Variants in APBA1 observed in about 807,000 individuals in gnomAD.
The protein encoded by APBA1 is amyloid-beta A4 precursor protein-binding family A member 1.
Under a neutral mutation model 86.6 loss-of-function variants are expected in APBA1, and 55 were observed. The ratio of observed to expected loss-of-function variants is 0.64; its 90% confidence interval spans 0.51 to 0.80. The LOEUF (loss-of-function observed/expected upper bound fraction) is 0.80, where lower values mean the gene tolerates loss of function less well. APBA1 is among the 30% of genes least tolerant of loss of function. The probability of loss-of-function intolerance (pLI) is 0.00; values close to 1 mark genes in which losing one functional copy is unlikely to be tolerated. For synonymous variants in APBA1, 511 were observed against 493.9 expected (o/e 1.03, Z -0.46); for missense variants, 1,090 against 1,183.0 (o/e 0.92, Z 1.15).
rs549565763 is a variant in APBA1 at position 69,665,680 on chromosome 9, G to A, written c.-70+6473C>T. On this transcript the variant is annotated intron_variant, in intron 1 of 12. Transcript: ENST00000265381. The stretch of plus-strand genomic sequence containing the variant: ...ATGAAACAAGGAAGAAGAAAAGAGA[G>A]CAATATTTAAAGAAGATTCAGGACA... Among the ~76,000 whole-genome samples the A allele has an allele frequency of 1.6e-4, 24 of 152,210 alleles. 1 individual carries two copies. The highest frequency in any genetic ancestry group is 5.8e-4 in the African/African-American group (24 of 41,458).
rs768923261 is a variant in APBA1, at chr9:69,516,255, G to A, written c.956C>T (p.Pro319Leu). The A allele has an allele frequency of 3.6e-6, 5 of 1,378,028 alleles. No homozygotes were observed. Among genetic ancestry groups the A allele is most frequent in the South Asian group, 1.7e-5 (1 of 59,954 alleles). The allele number at this position is 1,378,028 out of a possible 1,614,324, so 85.4% of individuals were successfully genotyped here. A position where few individuals can be genotyped will look rare whatever the true frequency, so the allele number is the denominator to read the frequency against. ...GCCCACCGCCCGCTGCTGCCCCGCC[G>A]GCGCCTGCAGCCCGGGGCTGTCGGG... ...GRPDSPGLQAPAGQQRAVGPA... is the reference protein window; with the variant it reads ...GRPDSPGLQALAGQQRAVGPA... Residue 319 changes from proline to leucine, a missense_variant, in exon 2 of 13, where the codon CCG (proline) becomes CTG (leucine). By Grantham distance (98) the Pro-to-Leu change is moderately conservative. Around this residue, in one of 6 missense-constraint regions of APBA1, gnomAD observed 678 missense variants for 647.1 expected, o/e 1.05. Transcript: ENST00000265381. This position sits in a 1 kb window ranked among gnomAD's most constrained non-coding sequence, Gnocchi z 7.3.
intron 2 of APBA1, among the ~76,000 whole-genome samples, chr9:69,500,074 C>A (rs1470292228): frequency 6.6e-6 from 1 of 152,056 alleles, no homozygotes; most frequent in East Asian, 1.9e-4. Flanking sequence ...TTTAATCAGA[C>A]CAACCCTGGA....
chr9:69,441,140 G>C, intron 10 of APBA1, 25 bp from the exon 11 acceptor site: 2 of 1,606,166 alleles, frequency 1.2e-6, no homozygotes, highest in Non-Finnish European at 1.7e-6. Context: ...AAGTACAGTG[G>C]GTATGGTGAC....
chr9:69,597,090 A>G (rs532764263), intron 1 of APBA1, among the ~76,000 whole-genome samples: 13 of 152,352 alleles, frequency 8.5e-5, no homozygotes, highest in African/African-American at 2.9e-4. Flanking sequence ...TCCCATTGAC[A>G]TGGGTAAAAG....
At chr9:69,563,114 C>CA (rs1836972824) in intron 1 of APBA1, among the ~76,000 whole-genome samples, 1 of 152,192 alleles carries the variant, frequency 6.6e-6, no homozygotes, top group African/African-American at 2.4e-5. Flanking sequence ...ATCCCTTCCA[C>CA]ACACGAGTCT....
At chr9:69,601,880 T>C (rs116408861) in intron 1 of APBA1, among the ~76,000 whole-genome samples, 1 of 152,318 alleles carries the variant, frequency 6.6e-6, no homozygotes, top group African/African-American at 2.4e-5. Context: ...CAACCCCTTC[T>C]AATACCAAAC....
At chr9:69,544,095 T>C (rs918663848) in intron 1 of APBA1, among the ~76,000 whole-genome samples, 1 of 152,214 alleles carries the variant, frequency 6.6e-6, no homozygotes, top group Admixed American at 6.5e-5. Flanking sequence ...TACCTTCTAC[T>C]ACTCTTTTTT....
chr9:69,482,667 T>C (rs980257136), intron 2 of APBA1, among the ~76,000 whole-genome samples: 1 of 151,714 alleles, frequency 6.6e-6, no homozygotes, highest in Non-Finnish European at 1.5e-5. Context: ...TAAAGACACA[T>C]GCACACGTAT....
At chr9:69,669,324 C>T (rs1823901548) in intron 1 of APBA1, among the ~76,000 whole-genome samples, 1 of 152,146 alleles carries the variant, frequency 6.6e-6, no homozygotes, top group Non-Finnish European at 1.5e-5. Context: ...ATATCTCTTA[C>T]CCCTAAGTCT....
rs1836844963 is a variant in APBA1, at chr9:69,555,258, T to G, written c.-69-37979A>C. Among the ~76,000 whole-genome samples the G allele has an allele frequency of 3.3e-5, 5 of 152,288 alleles. No homozygotes were observed. The South Asian group carries it at 1.0e-3, about 32-fold the overall frequency. Reference sequence around the variant, plus strand: ...GTTTCACCCAGATTTAAAACATTCCTTAGACTGTGTGGCGAGGGAATAGAA... The same window carrying G: ...GTTTCACCCAGATTTAAAACATTCCGTAGACTGTGTGGCGAGGGAATAGAA... On this transcript the variant is annotated intron_variant, in intron 1 of 12. Coordinates refer to ENST00000265381, the MANE Select transcript of APBA1 (RefSeq NM_001163.4).
At chr9:69,617,823 A>T (rs1298131203) in intron 1 of APBA1, among the ~76,000 whole-genome samples, 1 of 152,094 alleles carries the variant, frequency 6.6e-6, no homozygotes, top group Non-Finnish European at 1.5e-5. Context: ...ATGTACACTC[A>T]CACTGTTGTG....
chr9:69,557,783 TC>T (rs35393600), intron 1 of APBA1, among the ~76,000 whole-genome samples: 1 of 152,214 alleles, frequency 6.6e-6, no homozygotes, highest in African/African-American at 2.4e-5. Flanking sequence ...GCCTCAGTGC[TC>T]CCGGTTGTCT....
chr9:69,594,975 T>A (rs1289700897), intron 1 of APBA1, among the ~76,000 whole-genome samples: 1 of 152,170 alleles, frequency 6.6e-6, no homozygotes, highest in African/African-American at 2.4e-5. Flanking sequence ...ATGAATTAAA[T>A]GAGAAATGTG....
chr9:69,434,712 A>T (rs1390502511), intron 11 of APBA1, among the ~76,000 whole-genome samples: 1 of 139,018 alleles, frequency 7.2e-6, no homozygotes, highest in East Asian at 2.0e-4. Context: ...ATCTCAATTT[A>T]AAAAAAAAAA....
intron 10 of APBA1, among the ~76,000 whole-genome samples, chr9:69,443,951 C>T (rs1487223472): frequency 3.9e-5 from 6 of 152,158 alleles, no homozygotes; most frequent in South Asian, 2.1e-4. Context: ...CATTTTCCTA[C>T]GTGGCAAGAG....
At position 69,647,596 on chromosome 9, in the gene APBA1, ATTAAG is replaced by A. The variant is rs566155347; in HGVS notation, c.-70+24552_-70+24556del. On this transcript the variant is annotated intron_variant, in intron 1 of 12. Transcript: ENST00000265381. ...TCCTGACTATATTTTCCTCTAACTTATTAAGTTATTATTCAAGGTCACAAAACAAC... is the reference window on the plus strand; with the variant it reads ...TCCTGACTATATTTTCCTCTAACTTATTATTATTCAAGGTCACAAAACAAC... 4.1e-3 allele frequency among the ~76,000 whole-genome samples: 618 copies of A among 152,332 alleles called. 4 individuals carry two copies. Among genetic ancestry groups the A allele is most frequent in the African/African-American group, 0.014 (591 of 41,568 alleles).
intron 1 of APBA1, among the ~76,000 whole-genome samples, chr9:69,564,634 C>T (rs1444089436): frequency 6.6e-6 from 1 of 152,170 alleles, no homozygotes; most frequent in Non-Finnish European, 1.5e-5. Context: ...CATCACTTCA[C>T]ACCCATTAGG....
At chr9:69,575,216 C>T (rs1164078184) in intron 1 of APBA1, among the ~76,000 whole-genome samples, 1 of 152,100 alleles carries the variant, frequency 6.6e-6, no homozygotes, top group African/African-American at 2.4e-5. Context: ...CTGCACCCGG[C>T]CCAATTATTA....
chr9:69,571,319 T>C (rs1381461642), intron 1 of APBA1, among the ~76,000 whole-genome samples: 1 of 152,224 alleles, frequency 6.6e-6, no homozygotes, highest in African/African-American at 2.4e-5. Context: ...TAAAAGTCTA[T>C]CCAGTATTTT....
Sources: gnomAD v4.1 joint callset for allele counts (sites outside exome capture counted in the v4.1 genomes callset) on GRCh38, gnomAD v4.1.1 for gene constraint, gnomAD v4.1.1 regional missense constraint, Gnocchi (gnomAD v3.1) non-coding constraint, MANE v1.5 for transcripts, NCBI Gene and HGNC (gene_info 2026-07-23, HGNC 2026-07-21) for gene names.